Variants in BCL2L1 observed in about 807,000 individuals in gnomAD.
BCL2L1 encodes the protein bcl-2-like protein 1.
Under a neutral mutation model 18.7 loss-of-function variants are expected in BCL2L1, and 1 was observed. The ratio of observed to expected loss-of-function variants is 0.05; its 90% CI spans 0.02 to 0.25. The LOEUF (loss-of-function observed/expected upper bound fraction) is 0.25. BCL2L1 is among the 10% of genes least tolerant of loss of function. The pLI, the probability that BCL2L1 is intolerant of heterozygous loss-of-function variation, is 1.00. For missense variants in BCL2L1, 207 were observed against 304.9 expected (o/e 0.68, Z 2.39); for synonymous variants, 103 against 122.7 (o/e 0.84, Z 1.06).
At chr20:31,720,521 G>A in intron 2 of BCL2L1, 1 of 985,342 alleles carries the variant, frequency 1.0e-6, no homozygotes, top group Non-Finnish European at 1.2e-6. Flanking sequence ...CTTGCCTACA[G>A]TGACCACTGG....
chr20:31,701,488 G>A (rs975610354), intron 2 of BCL2L1, among the ~76,000 whole-genome samples: 2 of 152,088 alleles, frequency 1.3e-5, no homozygotes, highest in African/African-American at 2.4e-5. Flanking sequence ...CTTTTGGCTC[G>A]TCTTCTTACC....
In BCL2L1 at chr20:31,665,808, C is replaced by A. The variant is rs565690849; in HGVS notation, c.*141G>T. ...ATTCTAGAAAACTAGCTGCAAGGGA[C>A]CAGATCTGGGCCCAACCCTGTGATG... On this transcript the variant is annotated 3_prime_UTR_variant, in exon 3 of 3. Transcript: ENST00000307677. 240 of 1,118,314 alleles carry A rather than the reference C, an allele frequency of 2.1e-4. 4 individuals are homozygous for A. In the South Asian group the frequency reaches 3.5e-3, roughly 17 times the overall value. 69.3% of individuals were successfully genotyped at this position (1,118,314 alleles called of 1,614,324 possible). A position where few individuals can be genotyped will look rare whatever the true frequency, so the allele number is the denominator to read the frequency against.
intron 2 of BCL2L1, among the ~76,000 whole-genome samples, chr20:31,700,302 C>T (rs150551945): frequency 1.3e-5 from 2 of 152,330 alleles, no homozygotes; most frequent in Non-Finnish European, 2.9e-5. Context: ...CTCCTCCCCT[C>T]ACTATTAGTT....
At position 31,721,968 on chromosome 20, in the gene BCL2L1, G is replaced by A. The variant is rs754557633; in HGVS notation, c.251C>T (p.Ala84Val). Reference sequence around the variant, plus strand: ...CTCCCTCAGCGCTTGCTTTACTGCTGCCATGGGGATCACCTCCCGGGCATC... The same window carrying A: ...CTCCCTCAGCGCTTGCTTTACTGCTACCATGGGGATCACCTCCCGGGCATC... The part of the protein sequence containing the change: ...SLDAREVIPM[A>V]AVKQALREAG... The change falls in exon 2 of 3, where the codon GCA (alanine) becomes GTA (valine). Residue 84 changes from alanine (A) to valine (V), a missense_variant. Physicochemically the swap from Ala to Val is moderately conservative, Grantham distance 64 (BLOSUM62 0). Coordinates refer to ENST00000307677, the MANE Select transcript of BCL2L1 (RefSeq NM_138578.3). The A allele has an allele frequency of 6.2e-7, 1 of 1,614,194 alleles. No individual in the cohort carries two copies. Among genetic ancestry groups the A allele is most frequent in the Non-Finnish European group, 8.5e-7 (1 of 1,180,042 alleles).
Position 31,665,123 on chromosome 20 carries a change from G to A in BCL2L1, c.*826C>T. 1 of 180,066 alleles carries A rather than the reference G, an allele frequency of 5.6e-6. No individual in the cohort carries two copies. The highest frequency in any genetic ancestry group is 1.2e-5 in the Non-Finnish European group (1 of 83,816). The allele number at this position is 180,066 out of a possible 1,614,324, so 11.2% of individuals were successfully genotyped here. On this transcript the variant is annotated 3_prime_UTR_variant, in exon 3 of 3. Transcript: ENST00000307677. ...AAAGATGCCACAGGCTGCTCTTGTA[G>A]GAAGTGAGGCAGCTGAGGCCATAAA...
At chr20:31,721,560 A>G in intron 2 of BCL2L1, 95 bp downstream of exon 2, 1 of 1,418,738 alleles carries the variant, frequency 7.0e-7, no homozygotes, top group East Asian at 2.3e-5. Context: ...TCCAACAATC[A>G]CCCAACACAA....
At chr20:31,697,892 G>GTTTTTTTTTTTTTTTTGTTTTTTTTTTT (rs199575410) in intron 2 of BCL2L1, among the ~76,000 whole-genome samples, 1 of 129,640 alleles carries the variant, frequency 7.7e-6, no homozygotes, top group African/African-American at 3.3e-5. Context: ...TGCTGTTGCT[G>GTTTTTTTTTTTTTTTTGTTTTTTTTTTT]TTTTTTTTTT....
chr20:31,675,291 CCTT>C (rs2060741550), intron 2 of BCL2L1, among the ~76,000 whole-genome samples: 2 of 152,326 alleles, frequency 1.3e-5, no homozygotes, highest in South Asian at 4.1e-4. Context: ...CTTGTTCTGT[CCTT>C]CTCACATCCC....
At chr20:31,723,594 C>A, upstream of BCL2L1, 8 of 985,422 alleles carry the variant, frequency 8.1e-6, no homozygotes, top group Non-Finnish European at 9.6e-6. Flanking sequence ...GCCCCCTAGA[C>A]CTTCCTGAGA....
At chr20:31,681,227 G>A (rs73903633) in intron 2 of BCL2L1, among the ~76,000 whole-genome samples, 5,390 of 152,282 alleles carry the variant, frequency 0.035, 309 homozygotes, top group African/African-American at 0.12. Flanking sequence ...GTTAAATAGC[G>A]TCCGTCTGGC....
At chr20:31,708,692 C>G (rs546088280) in intron 2 of BCL2L1, among the ~76,000 whole-genome samples, 1 of 152,164 alleles carries the variant, frequency 6.6e-6, no homozygotes, top group African/African-American at 2.4e-5. Context: ...ATGGGGGCCT[C>G]TTGGGCAGGA....
rs989916889 is a variant in BCL2L1 at position 31,665,903 on chromosome 20, G to A, written c.*46C>T. On this transcript the variant is annotated 3_prime_UTR_variant, in exon 3 of 3. Transcript: ENST00000307677. ...TGGCGGCTGGACGGAGGATGTGGTGGAGCAGAGAAGGGGGTGGGAGGGTAG... is the reference window on the plus strand; with the variant it reads ...TGGCGGCTGGACGGAGGATGTGGTGAAGCAGAGAAGGGGGTGGGAGGGTAG... The A allele has an allele frequency of 1.2e-6, 2 of 1,601,606 alleles. No individual in the cohort carries two copies. Among genetic ancestry groups the A allele is most frequent in the African/African-American group, 1.3e-5 (1 of 74,700 alleles).
intron 2 of BCL2L1, among the ~76,000 whole-genome samples, chr20:31,700,948 G>A (rs766244197): frequency 6.6e-5 from 10 of 152,218 alleles, no homozygotes; most frequent in Non-Finnish European, 1.5e-5. Context: ...AAAAAGAGGA[G>A]ATCGTGTTGC....
chr20:31,668,415 G>A (rs2060618709), intron 2 of BCL2L1, among the ~76,000 whole-genome samples: 1 of 151,756 alleles, frequency 6.6e-6, no homozygotes, highest in African/African-American at 2.4e-5. Flanking sequence ...TGCTTCCTGG[G>A]TACAAGCGAT....
At chr20:31,723,777 C>T (rs2061673592), upstream of BCL2L1, 1 of 985,480 alleles carries the variant, frequency 1.0e-6, no homozygotes, top group Admixed American at 6.1e-5. Flanking sequence ...CCCCCTTCAT[C>T]GGCCCGGTAG....
rs182106585 is a variant in BCL2L1, at chr20:31,685,716, T to C, written c.565-19630A>G. 9.7e-4 allele frequency among the ~76,000 whole-genome samples: 147 copies of C among 152,204 alleles called. 1 individual carries two copies. The highest frequency in any genetic ancestry group is 1.4e-3 in the East Asian group (7 of 5,178). ...TCTCTCCAGTTCCAAAGCACTAAGATCCTATCTCCGGGCCCTTTTTTTTTC... is the reference window on the plus strand; with the variant it reads ...TCTCTCCAGTTCCAAAGCACTAAGACCCTATCTCCGGGCCCTTTTTTTTTC... On this transcript the variant is annotated intron_variant, in intron 2 of 2. Coordinates refer to ENST00000307677, the MANE Select transcript of BCL2L1 (RefSeq NM_138578.3).
chr20:31,679,642 G>A (rs1262477177), intron 2 of BCL2L1, among the ~76,000 whole-genome samples: 3 of 152,202 alleles, frequency 2.0e-5, no homozygotes, highest in Non-Finnish European at 4.4e-5. Flanking sequence ...GTTAGCTGCT[G>A]CTGCTGCTGT....
At chr20:31,707,092 A>G (rs1232540486) in intron 2 of BCL2L1, among the ~76,000 whole-genome samples, 4 of 152,208 alleles carry the variant, frequency 2.6e-5, no homozygotes, top group African/African-American at 7.2e-5. Context: ...GTCAACAAAC[A>G]AGGAGGACCC....
At chr20:31,691,858 C>T (rs2122630496) in intron 2 of BCL2L1, among the ~76,000 whole-genome samples, 1 of 152,328 alleles carries the variant, frequency 6.6e-6, no homozygotes, top group Middle Eastern at 3.4e-3. Context: ...GATACCATCT[C>T]ACACCCACCA....
Sources: allele counts gnomAD v4.1 joint callset (sites outside exome capture counted in the v4.1 genomes callset), GRCh38; gene constraint gnomAD v4.1.1; transcripts MANE v1.5; gene names NCBI Gene and HGNC (gene_info 2026-07-23, HGNC 2026-07-21).